The following DIP2B variants were observed in gnomAD, a reference collection of about 807,000 sequenced individuals.
DIP2B encodes DIP2 acetate--CoA ligase B (putative), also known as disco-interacting protein 2 homolog B.
Under a neutral mutation model 198.0 loss-of-function variants are expected in DIP2B, and 76 were observed. The observed-to-expected ratio is 0.38, with a 90% CI of 0.32 to 0.46. DIP2B has a LOEUF of 0.46. Ranked by LOEUF, DIP2B falls within the 20% of genes least tolerant of loss-of-function variation. The pLI, the probability that DIP2B is intolerant of heterozygous loss-of-function variation, is 0.99. For synonymous variants in DIP2B, 701 were observed against 739.1 expected (o/e 0.95, Z 0.84); for missense variants, 1,559 against 1,978.4 (o/e 0.79, Z 4.02).
At chr12:50,506,872 TAG>T (rs1957973107) in intron 1 of DIP2B, among the ~76,000 whole-genome samples, 2 of 152,202 alleles carry the variant, frequency 1.3e-5, no homozygotes, top group Non-Finnish European at 2.9e-5. Context: ...TAGCTTTGAT[TAG>T]AGAGAGGTTT....
chr12:50,735,221 C>T (rs1940116036), intron 34 of DIP2B, 91 bp downstream of exon 34: 3 of 1,387,714 alleles, frequency 2.2e-6, no homozygotes, highest in Non-Finnish European at 3.1e-6. Flanking sequence ...ATATTAGTGT[C>T]CAGGGCAAGC....
chr12:50,693,444 A>G (rs1939253795), intron 14 of DIP2B, among the ~76,000 whole-genome samples: 1 of 152,198 alleles, frequency 6.6e-6, no homozygotes, highest in South Asian at 2.1e-4. Context: ...TGGCAAAACT[A>G]CTATATGTAA....
intron 1 of DIP2B, among the ~76,000 whole-genome samples, chr12:50,603,707 A>G (rs1369568930): frequency 6.6e-6 from 1 of 152,008 alleles, no homozygotes. Context: ...GGGCAACAGA[A>G]TGAGACCTTG....
chr12:50,624,534 G>T (rs954628817), intron 1 of DIP2B, among the ~76,000 whole-genome samples: 1 of 152,040 alleles, frequency 6.6e-6, no homozygotes, highest in Non-Finnish European at 1.5e-5. Flanking sequence ...GGGTTTCACC[G>T]TGTTGGCCAG....
Position 50,695,874 on chromosome 12 carries a change from G to C in DIP2B, c.1840G>C (p.Asp614His), listed in dbSNP as rs1230804652. 6.2e-7 allele frequency: 1 copy of C among 1,614,052 alleles called. No individual in the cohort carries two copies. The highest frequency in any genetic ancestry group is 8.5e-7 in the Non-Finnish European group (1 of 1,179,940). The change falls in exon 16 of 38, where the codon GAC (aspartate) becomes CAC (histidine). Residue 614 changes from aspartate to histidine, a missense_variant. By Grantham distance (81) the Asp-to-His change is moderately conservative. Transcript: ENST00000301180. ...CAAGGTAGCTTTAGTAAAATGTCGG[G>C]ACTTGCACTGGGCTATGATGGCACA... is the stretch of plus-strand genomic sequence containing the variant. ...KAKVALVKCR[D>H]LHWAMMAHRD...
chr12:50,548,723 G>A (rs188704793), intron 1 of DIP2B, among the ~76,000 whole-genome samples: 4 of 152,114 alleles, frequency 2.6e-5, no homozygotes, highest in Non-Finnish European at 4.4e-5. Flanking sequence ...ATGGGGTTTC[G>A]GCATGTTGGC....
chr12:50,593,709 T>C (rs1565836998), intron 1 of DIP2B, among the ~76,000 whole-genome samples: 2 of 3,386 alleles, frequency 5.9e-4, no homozygotes, highest in Non-Finnish European at 9.8e-4. Context: ...TCCTCTCCCC[T>C]CCTCTCCTCT....
chr12:50,620,208 C>T (rs117616825), intron 1 of DIP2B, among the ~76,000 whole-genome samples: 2,771 of 152,314 alleles, frequency 0.018, 34 homozygotes, highest in Middle Eastern at 0.044. Flanking sequence ...ACTTATGCGA[C>T]TGTTCTCCCT....
chr12:50,668,956 C>A lies in DIP2B; in HGVS notation c.428-2230C>A, dbSNP rs191892263. ...CTTTAAATTTTCTTTTAATCACCCCCCTTTTGCATGATAGATCTCATTCTT... is the reference window on the plus strand; with the variant it reads ...CTTTAAATTTTCTTTTAATCACCCCACTTTTGCATGATAGATCTCATTCTT... On this transcript the variant is annotated intron_variant, in intron 4 of 37. Transcript: ENST00000301180. Among the ~76,000 whole-genome samples the A allele has an allele frequency of 2.8e-4, 43 of 152,202 alleles. No individual in the cohort carries two copies. The East Asian group carries it at 5.4e-3, about 19-fold the overall frequency.
intron 1 of DIP2B, among the ~76,000 whole-genome samples, chr12:50,555,620 G>A (rs1318015851): frequency 1.3e-5 from 2 of 151,884 alleles, no homozygotes; most frequent in African/African-American, 4.8e-5. Context: ...CTTTTTATCT[G>A]CCTTTTATCT....
At chr12:50,553,393 G>A (rs980377022) in intron 1 of DIP2B, among the ~76,000 whole-genome samples, 1 of 152,088 alleles carries the variant, frequency 6.6e-6, no homozygotes, top group African/African-American at 2.4e-5. Context: ...AGTACCTAGC[G>A]CAGTGCCTGG....
At chr12:50,640,941 T>A in intron 3 of DIP2B, 89 bp downstream of exon 3, 1 of 1,471,666 alleles carries the variant, frequency 6.8e-7, no homozygotes, top group East Asian at 2.4e-5. Flanking sequence ...TACTTGTCTT[T>A]TTTTTCCCTA....
chr12:50,736,985 G>A (rs184618076), intron 34 of DIP2B, 51 bp from the exon 35 acceptor site: 1 of 1,577,948 alleles, frequency 6.3e-7, no homozygotes, highest in East Asian at 2.2e-5. Flanking sequence ...TTTCCTGGAG[G>A]TCATTAGATT....
chr12:50,549,002 C>T (rs540851019), intron 1 of DIP2B, among the ~76,000 whole-genome samples: 8 of 152,178 alleles, frequency 5.3e-5, no homozygotes, highest in South Asian at 2.1e-4. Context: ...TTCATAACCC[C>T]GAGTTAAAGT....
At chr12:50,605,865 AGGCTGGAGTGCAGTAGCATGATCTC>A (rs1466702346) in intron 1 of DIP2B, among the ~76,000 whole-genome samples, 3 of 152,006 alleles carry the variant, frequency 2.0e-5, no homozygotes, top group Non-Finnish European at 2.9e-5. Context: ...CTTGTTGCCC[AGGCTGGAGTGCAGTAGCATGATCTC>A]GGCTCACTGC....
chr12:50,711,494 G>A (rs538139631), intron 22 of DIP2B, among the ~76,000 whole-genome samples: 13 of 152,284 alleles, frequency 8.5e-5, no homozygotes, highest in African/African-American at 3.1e-4. Context: ...GTATTGGTTG[G>A]TAGGATAGTC....
At chr12:50,703,968 G>C (rs184200544) in intron 19 of DIP2B, among the ~76,000 whole-genome samples, 172 bp from the exon 20 acceptor site, 32 of 150,716 alleles carry the variant, frequency 2.1e-4, no homozygotes, top group African/African-American at 7.5e-4. Flanking sequence ...TAAAAGTCTA[G>C]AGAGGTAAAC....
At chr12:50,733,004 C>T (rs1391045360) in intron 32 of DIP2B, among the ~76,000 whole-genome samples, 1 of 151,936 alleles carries the variant, frequency 6.6e-6, no homozygotes, top group Non-Finnish European at 1.5e-5. Flanking sequence ...CTCCTGGGTT[C>T]AAGCGGTTCT....
intron 12 of DIP2B, among the ~76,000 whole-genome samples, chr12:50,688,886 C>T (rs1939176196): frequency 6.6e-6 from 1 of 152,108 alleles, no homozygotes; most frequent in African/African-American, 2.4e-5. Context: ...TTGCTTAGCT[C>T]TCTGGCCTTA....
Sources: allele counts gnomAD v4.1 joint callset (sites outside exome capture counted in the v4.1 genomes callset), GRCh38; gene constraint gnomAD v4.1.1; transcripts MANE v1.5; gene names NCBI Gene and HGNC (gene_info 2026-07-23, HGNC 2026-07-21).